Variants in PUS10 observed in about 807,000 individuals in gnomAD.
PUS10 encodes pseudouridine synthase 10.
Under a neutral mutation model 75.0 loss-of-function variants are expected in PUS10, and 59 were observed. The observed-to-expected ratio is 0.79, with a 90% CI of 0.64 to 0.98. The LOEUF is 0.98. Among genes scored for constraint, PUS10 ranks in the 50% least tolerant of loss-of-function variants. The pLI is 0.00. For missense variants in PUS10, 650 were observed against 614.4 expected (o/e 1.06, Z -0.61); for synonymous variants, 219 against 211.6 (o/e 1.03, Z -0.30).
Position 60,965,090 on chromosome 2 carries a change from G to C in PUS10, c.691C>G (p.Pro231Ala). Residue 231 changes from proline to alanine, a missense_variant, in exon 8 of 18, where the codon CCA becomes GCA. Transcript: ENST00000316752. ...EDCHFLAAIC[P>A]DCFKPAKNKQ... Reference sequence around the variant, plus strand: ...TTTTTGGCTGGCTTAAAACAATCTGGGCATATCGCAGCTCTAAAATAAAAT... The same window carrying C: ...TTTTTGGCTGGCTTAAAACAATCTGCGCATATCGCAGCTCTAAAATAAAAT... The C allele has an allele frequency of 6.2e-7, 1 of 1,613,380 alleles. No individual in the cohort carries two copies. The highest frequency in any genetic ancestry group is 1.1e-5 in the South Asian group (1 of 91,002).
At chr2:61,011,598 A>G (rs1451663155) in intron 2 of PUS10, among the ~76,000 whole-genome samples, 167 bp downstream of exon 2, 1 of 152,220 alleles carries the variant, frequency 6.6e-6, no homozygotes, top group African/African-American at 2.4e-5. Context: ...AGGAACTTAC[A>G]TTTCTGAGAC....
intron 1 of PUS10, chr2:61,017,175 G>C (rs1323119761): frequency 1.3e-5 from 2 of 152,530 alleles, no homozygotes; most frequent in Admixed American, 1.3e-4. Flanking sequence ...CCAGACGCCG[G>C]AGCCTGAGAT....
At position 60,999,943 on chromosome 2, in the gene PUS10, A is replaced by G. The variant is rs573664643; in HGVS notation, c.468+6614T>C. 2.6e-5 allele frequency among the ~76,000 whole-genome samples: 4 copies of G among 152,342 alleles called. No individual in the cohort carries two copies. The East Asian group carries it at 7.7e-4, about 29-fold the overall frequency. On this transcript the variant is annotated intron_variant, in intron 4 of 17. Transcript: ENST00000316752. ...TATATAAGTAATCTTGAGATGATTT[A>G]AAGTATACAAGAGGATGTGTGTAAG...
intron 4 of PUS10, among the ~76,000 whole-genome samples, chr2:61,000,313 G>A (rs1377695791): frequency 6.6e-6 from 1 of 152,158 alleles, no homozygotes; most frequent in African/African-American, 2.4e-5. Flanking sequence ...AGTGGCTCCT[G>A]TGACCAGGTT....
chr2:61,009,725 C>G (rs1004748116), intron 2 of PUS10: 1 of 152,256 alleles, frequency 6.6e-6, no homozygotes, highest in Admixed American at 6.5e-5. Context: ...TCAAAATACT[C>G]AGAGGATTTT....
chr2:60,955,998 G>C (rs939956323), intron 11 of PUS10, among the ~76,000 whole-genome samples: 1 of 152,070 alleles, frequency 6.6e-6, no homozygotes, highest in Non-Finnish European at 1.5e-5. Context: ...TACATGTCAT[G>C]AAACCAAAGC....
chr2:60,971,703 C>T lies in PUS10; in HGVS notation c.469-146G>A, dbSNP rs1047917278. 43 of 719,614 alleles carry T rather than the reference C, an allele frequency of 6.0e-5. No homozygotes were observed. In the Admixed American group the frequency reaches 7.0e-4, roughly 12 times the overall value. 44.6% of individuals were successfully genotyped at this position (719,614 alleles called of 1,614,324 possible). On this transcript the variant is annotated intron_variant, in intron 4 of 17. Transcript: ENST00000316752. ...GACGAGTTAGTATTCAAAAATTTAC[C>T]AGTGACCTCAGTCTCATTTAAAATC...
At chr2:61,009,286 A>G (rs141585411) in intron 2 of PUS10, among the ~76,000 whole-genome samples, 31 of 152,324 alleles carry the variant, frequency 2.0e-4, no homozygotes, top group African/African-American at 7.5e-4. Flanking sequence ...CTGAGGAGAA[A>G]GGCTCCAATA....
chr2:61,013,897 C>T (rs1013919942), intron 1 of PUS10, among the ~76,000 whole-genome samples: 6 of 152,016 alleles, frequency 3.9e-5, no homozygotes, highest in African/African-American at 7.3e-5. Flanking sequence ...TGGTGGCTGG[C>T]GCCTGCACTC....
chr2:60,965,409 A>G lies in PUS10; in HGVS notation c.677+14T>C, dbSNP rs746025344. 2.6e-5 allele frequency: 41 copies of G among 1,603,024 alleles called. No homozygotes were observed. The highest frequency in any genetic ancestry group is 1.6e-4 in the Middle Eastern group (1 of 6,062). ...CAATTTTACACCATTGACGTTGTTT[A>G]CATGGCAACTTACAGGAAGTGGCAA... On this transcript the variant is annotated intron_variant, in intron 7 of 17. Coordinates refer to ENST00000316752, the MANE Select transcript of PUS10 (RefSeq NM_144709.4).
chr2:61,004,341 G>A (rs1353509088), intron 4 of PUS10, among the ~76,000 whole-genome samples: 3 of 152,110 alleles, frequency 2.0e-5, no homozygotes. Flanking sequence ...AAAGTAACAT[G>A]TGGCCAAGCA....
At chr2:60,998,032 A>G (rs1286155174) in intron 4 of PUS10, among the ~76,000 whole-genome samples, 1 of 152,232 alleles carries the variant, frequency 6.6e-6, no homozygotes, top group Non-Finnish European at 1.5e-5. Flanking sequence ...GTTAATGAAC[A>G]AAGATGACAG....
chr2:61,002,734 T>A (rs1678934504), intron 4 of PUS10, among the ~76,000 whole-genome samples: 1 of 152,250 alleles, frequency 6.6e-6, no homozygotes, highest in Non-Finnish European at 1.5e-5. Flanking sequence ...ATTCAAATGA[T>A]AAGACCAAAC....
At chr2:60,956,667 G>T (rs1675672693) in intron 11 of PUS10, among the ~76,000 whole-genome samples, 1 of 152,124 alleles carries the variant, frequency 6.6e-6, no homozygotes, top group African/African-American at 2.4e-5. Flanking sequence ...CATATTTACT[G>T]ATCTTTTAGA....
rs563734051 is a variant in PUS10 at position 60,990,151 on chromosome 2, C to T, written c.468+16406G>A. Among the ~76,000 whole-genome samples the T allele has an allele frequency of 4.6e-5, 7 of 152,056 alleles. No homozygotes were observed. The South Asian group carries it at 1.0e-3, about 23-fold the overall frequency. ...TAAAACACCCATACACATACTCACA[C>T]GCACGCACGGGAAAAAAAACCTAGA... is the stretch of plus-strand genomic sequence containing the variant. On this transcript the variant is annotated intron_variant, in intron 4 of 17. Coordinates refer to ENST00000316752, the MANE Select transcript of PUS10 (RefSeq NM_144709.4).
intron 4 of PUS10, among the ~76,000 whole-genome samples, chr2:60,979,057 A>C (rs1300922176): frequency 6.6e-6 from 1 of 152,238 alleles, no homozygotes; most frequent in Non-Finnish European, 1.5e-5. Flanking sequence ...TTGTGTGGGC[A>C]GCTGGAGGCA....
intron 4 of PUS10, among the ~76,000 whole-genome samples, chr2:61,005,138 G>A (rs2104680035): frequency 6.6e-6 from 1 of 152,278 alleles, no homozygotes; most frequent in South Asian, 2.1e-4. Flanking sequence ...ACGCATGCCT[G>A]TAAGCCCAGC....
chr2:61,017,785 C>A lies in PUS10; in HGVS notation c.-16+223G>T, dbSNP rs764069625. 9.0e-6 allele frequency: 14 copies of A among 1,550,210 alleles called. No homozygotes were observed. The highest frequency in any genetic ancestry group is 2.0e-5 in the Admixed American group (1 of 50,918). On this transcript the variant is annotated intron_variant, in intron 1 of 17. Coordinates refer to ENST00000316752, the MANE Select transcript of PUS10 (RefSeq NM_144709.4). ...ATGGCGTCCCAGCCGCCACCTCCCC[C>A]CAAACCCTGGGAGACCCGCCGAATT...
intron 10 of PUS10, 132 bp downstream of exon 10, chr2:60,961,331 C>G (rs1360913834): frequency 2.8e-6 from 2 of 718,194 alleles, no homozygotes; most frequent in Non-Finnish European, 4.8e-6. Flanking sequence ...GCTATTGATT[C>G]TACTTCTCAA....
Sources: gnomAD v4.1 joint callset for allele counts (sites outside exome capture counted in the v4.1 genomes callset) on GRCh38, gnomAD v4.1.1 for gene constraint, MANE v1.5 for transcripts, NCBI Gene and HGNC (gene_info 2026-07-23, HGNC 2026-07-21) for gene names.